The following RABGAP1L variants were observed in gnomAD, a reference collection of about 807,000 sequenced individuals.
RABGAP1L encodes the protein rab GTPase-activating protein 1-like.
RABGAP1L carries 63 observed loss-of-function variants against 137.7 expected under a neutral mutation model. The observed-to-expected ratio is 0.46, with a 90% CI of 0.37 to 0.56. The LOEUF is 0.56. RABGAP1L is among the 20% of genes least tolerant of loss of function. The probability of loss-of-function intolerance (pLI) is 0.00; values close to 1 mark genes in which losing one functional copy is unlikely to be tolerated. For missense variants in RABGAP1L, 1,095 were observed against 1,244.0 expected (o/e 0.88, Z 1.80); for synonymous variants, 431 against 433.7 (o/e 0.99, Z 0.08).
intron 13 of RABGAP1L, among the ~76,000 whole-genome samples, chr1:174,500,851 T>C (rs1661193671): frequency 6.6e-6 from 1 of 152,176 alleles, no homozygotes. Flanking sequence ...GGGCCTTCTA[T>C]AAAAGATTTG....
intron 13 of RABGAP1L, among the ~76,000 whole-genome samples, chr1:174,622,828 C>T (rs1160444770): frequency 1.3e-5 from 2 of 152,172 alleles, no homozygotes; most frequent in African/African-American, 4.8e-5. Flanking sequence ...ACGTTGTGCA[C>T]ATGTACCCTA....
At position 174,388,922 on chromosome 1, in the gene RABGAP1L, A is replaced by C. The variant is rs182732429; in HGVS notation, c.1560-5073A>C. On this transcript the variant is annotated intron_variant, in intron 12 of 25. Coordinates refer to ENST00000681986, the MANE Select transcript of RABGAP1L (RefSeq NM_001366446.1). ...ACATAGCCACCTACTTCCACCTCCT[A>C]TCAAAATTTCTGTAATTCCATTGGT... 2.6e-5 allele frequency among the ~76,000 whole-genome samples: 4 copies of C among 152,190 alleles called. No individual in the cohort carries two copies. The East Asian group carries it at 5.8e-4, about 22-fold the overall frequency.
At position 174,321,354 on chromosome 1, in the gene RABGAP1L, C is replaced by T. The variant is rs370419003; in HGVS notation, c.1465+16227C>T. On this transcript the variant is annotated intron_variant, in intron 11 of 25. Coordinates refer to ENST00000681986, the MANE Select transcript of RABGAP1L (RefSeq NM_001366446.1). ...TTGTGATATTTTGTTCCCCTTGAAG[C>T]ATGTGATCTCTGTACCCACACCCTA... is the stretch of plus-strand genomic sequence containing the variant. Among the ~76,000 whole-genome samples, 6 of 152,230 alleles carry T rather than the reference C, an allele frequency of 3.9e-5. No homozygotes were observed. The East Asian group carries it at 1.2e-3, about 29-fold the overall frequency.
At chr1:174,514,860 A>G (rs1429660662) in intron 13 of RABGAP1L, among the ~76,000 whole-genome samples, 1 of 152,054 alleles carries the variant, frequency 6.6e-6, no homozygotes, top group Admixed American at 6.6e-5. Context: ...TAGTCTTAGA[A>G]CTGCTTTATA....
intron 13 of RABGAP1L, among the ~76,000 whole-genome samples, chr1:174,514,481 A>T (rs1662636370): frequency 6.6e-6 from 1 of 152,170 alleles, no homozygotes; most frequent in Non-Finnish European, 1.5e-5. Context: ...GCTGTAAGTT[A>T]TAACTTACAC....
Position 174,228,875 on chromosome 1 carries a change from G to A in RABGAP1L, c.332-2270G>A, listed in dbSNP as rs546218905. Among the ~76,000 whole-genome samples, 10 of 152,250 alleles carry A rather than the reference G, an allele frequency of 6.6e-5. No individual in the cohort carries two copies. The East Asian group carries it at 1.7e-3, about 26-fold the overall frequency. On this transcript the variant is annotated intron_variant, in intron 3 of 25. Transcript: ENST00000681986. ...TTAATTTTGTGCGGCATGAATGTAG[G>A]TAACAGCGGGGAAGCCAAGCAGAAT...
chr1:174,402,116 A>G (rs1363272287), intron 13 of RABGAP1L, among the ~76,000 whole-genome samples: 1 of 152,176 alleles, frequency 6.6e-6, no homozygotes, highest in Non-Finnish European at 1.5e-5. Flanking sequence ...GGTATGTGGG[A>G]GACATTATGT....
chr1:174,867,240 G>T (rs1321881704), intron 19 of RABGAP1L, among the ~76,000 whole-genome samples: 1 of 152,028 alleles, frequency 6.6e-6, no homozygotes, highest in Non-Finnish European at 1.5e-5. Flanking sequence ...AATTAGCCGG[G>T]TGTGGTGGTG....
chr1:174,976,287 G>A, intron 22 of RABGAP1L, 105 bp downstream of exon 22: 1 of 950,576 alleles, frequency 1.1e-6, no homozygotes, highest in Non-Finnish European at 1.6e-6. Context: ...CAAAGGTGAT[G>A]TTAAAGCAGT....
chr1:174,201,020 T>G (rs951078091), intron 1 of RABGAP1L, among the ~76,000 whole-genome samples: 1 of 152,244 alleles, frequency 6.6e-6, no homozygotes, highest in Non-Finnish European at 1.5e-5. Flanking sequence ...GTCACTTTTC[T>G]TTCATTCAGA....
chr1:174,172,176 TTGTGTGTGTGTGTGTGTGTGTG>T (rs34345014), intron 1 of RABGAP1L, among the ~76,000 whole-genome samples: 8,747 of 123,600 alleles, frequency 0.071, 961 homozygotes, highest in African/African-American at 0.25. Flanking sequence ...TAATATTCCC[TTGTGTGTGTGTGTGTGTGTGTG>T]TGTGTGTGTG....
chr1:174,674,835 C>T (rs1405558790), intron 14 of RABGAP1L, among the ~76,000 whole-genome samples: 9 of 152,206 alleles, frequency 5.9e-5, no homozygotes, highest in African/African-American at 1.9e-4. Context: ...TCTCTGATGG[C>T]CAGTGATGAT....
chr1:174,675,854 A>G (rs1470708589), intron 14 of RABGAP1L, among the ~76,000 whole-genome samples: 1 of 152,206 alleles, frequency 6.6e-6, no homozygotes, highest in East Asian at 1.9e-4. Context: ...CGTTTTTGAA[A>G]GAAGCATATT....
intron 1 of RABGAP1L, among the ~76,000 whole-genome samples, chr1:174,182,157 C>A (rs1026526805): frequency 1.3e-5 from 2 of 152,120 alleles, no homozygotes; most frequent in Non-Finnish European, 2.9e-5. Context: ...CTTTACTTAA[C>A]CCTAATTGGC....
intron 13 of RABGAP1L, among the ~76,000 whole-genome samples, chr1:174,611,545 T>C (rs1159365085): frequency 6.7e-6 from 1 of 149,340 alleles, no homozygotes; most frequent in Non-Finnish European, 1.5e-5. Flanking sequence ...GCGGGCTCTT[T>C]TTTGGTTCCA....
intron 17 of RABGAP1L, among the ~76,000 whole-genome samples, chr1:174,726,818 G>T (rs975077909): frequency 8.5e-5 from 13 of 152,058 alleles, no homozygotes; most frequent in African/African-American, 2.9e-4. Context: ...GCAGTAGTGT[G>T]GCCCGTTTGA....
At chr1:174,319,391 G>A (rs1245969599) in intron 11 of RABGAP1L, among the ~76,000 whole-genome samples, 1 of 152,100 alleles carries the variant, frequency 6.6e-6, no homozygotes, top group Non-Finnish European at 1.5e-5. Context: ...TTGTATACAG[G>A]TAACCTTACT....
chr1:174,589,626 G>T (rs1370958051), intron 13 of RABGAP1L, among the ~76,000 whole-genome samples: 1 of 152,024 alleles, frequency 6.6e-6, no homozygotes, highest in African/African-American at 2.4e-5. Context: ...ACTTTTACTT[G>T]ATTTTTATAT....
chr1:174,193,413 T>A (rs1667348258), intron 1 of RABGAP1L, among the ~76,000 whole-genome samples: 1 of 152,110 alleles, frequency 6.6e-6, no homozygotes, highest in African/African-American at 2.4e-5. Flanking sequence ...ATGCCTGTAA[T>A]CCCAGCTACT....
Sources: allele counts gnomAD v4.1 joint callset (sites outside exome capture counted in the v4.1 genomes callset), GRCh38; gene constraint gnomAD v4.1.1; transcripts MANE v1.5; gene names NCBI Gene and HGNC (gene_info 2026-07-23, HGNC 2026-07-21).